Variants in GCC2 observed in about 807,000 individuals in gnomAD.
GCC2 encodes the protein GRIP and coiled-coil domain containing 2.
A neutral mutation model predicts 210.6 loss-of-function variants in GCC2; 120 were observed. That is an observed-to-expected ratio of 0.57 (90% CI 0.49 to 0.66). The LOEUF is 0.66. GCC2 is among the 30% of genes least tolerant of loss of function. The pLI is 0.00. For synonymous variants in GCC2, 703 were observed against 652.7 expected, an observed-to-expected ratio of 1.08 and a Z score of -1.17; for missense variants, 1,868 against 1,871.9, an observed-to-expected ratio of 1.00 and a Z score of 0.04.
chr2:108,489,322 C>A (rs1021168968), intron 17 of GCC2, among the ~76,000 whole-genome samples: 1 of 152,188 alleles, frequency 6.6e-6, no homozygotes, highest in African/African-American at 2.4e-5. Flanking sequence ...TCAAGACCAA[C>A]CTGACCAACA....
At chr2:108,487,570 A>G in intron 16 of GCC2, 129 bp from the exon 17 acceptor site, 1 of 879,462 alleles carries the variant, frequency 1.1e-6, no homozygotes, top group Non-Finnish European at 1.8e-6. Flanking sequence ...TAATCAAGAA[A>G]CCAAAAAGAA....
intron 4 of GCC2, among the ~76,000 whole-genome samples, chr2:108,467,235 G>T (rs1478949335): frequency 6.6e-6 from 1 of 152,082 alleles, no homozygotes; most frequent in Admixed American, 6.6e-5. Context: ...ACATCTTTTG[G>T]TAAAGTTTTT....
intron 9 of GCC2, 61 bp from the exon 10 acceptor site, chr2:108,481,636 T>C: frequency 7.7e-7 from 1 of 1,294,664 alleles, no homozygotes; most frequent in South Asian, 1.4e-5. Context: ...GGCTTGATGA[T>C]GAAGTCTGAC....
intron 18 of GCC2, among the ~76,000 whole-genome samples, chr2:108,492,140 G>GT (rs1682431847): frequency 6.6e-6 from 1 of 150,480 alleles, no homozygotes. Context: ...AAGAGTGTGG[G>GT]GTTTTTTTTT....
chr2:108,503,283 C>T (rs1397093822), intron 22 of GCC2, among the ~76,000 whole-genome samples: 5 of 152,094 alleles, frequency 3.3e-5, no homozygotes, highest in Non-Finnish European at 7.4e-5. Context: ...TCACAATAGA[C>T]TTCTCAACAG....
chr2:108,472,490 G>A lies in GCC2; in HGVS notation c.2788-337G>A, dbSNP rs139549648. ...GCACTTTTTAAGTAAGAGCTGTGGT[G>A]GTATTGCTAAAATTTTAGGGTTTTC... is the stretch of plus-strand genomic sequence containing the variant. On this transcript the variant is annotated intron_variant, in intron 6 of 22. Coordinates refer to ENST00000309863, the MANE Select transcript of GCC2 (RefSeq NM_181453.4). 5.9e-5 allele frequency among the ~76,000 whole-genome samples: 9 copies of A among 151,968 alleles called. No homozygotes were observed. In the East Asian group the frequency reaches 1.7e-3, roughly 29 times the overall value.
chr2:108,480,469 T>C (rs1471340903), intron 9 of GCC2, among the ~76,000 whole-genome samples: 1 of 152,182 alleles, frequency 6.6e-6, no homozygotes, highest in Admixed American at 6.5e-5. Context: ...TCTGCAGCAC[T>C]ATTCATGATA....
At chr2:108,481,612 A>G (rs1445028551) in intron 9 of GCC2, 85 bp from the exon 10 acceptor site, 3 of 980,670 alleles carry the variant, frequency 3.1e-6, no homozygotes, top group East Asian at 5.0e-5. Flanking sequence ...GAATGGACTC[A>G]TGAATCTTAA....
chr2:108,506,443 C>T (rs906790376), intron 22 of GCC2, among the ~76,000 whole-genome samples: 21 of 152,116 alleles, frequency 1.4e-4, no homozygotes, highest in Non-Finnish European at 2.5e-4. Flanking sequence ...AACAGGTTAG[C>T]GGTTGCCAAG....
At chr2:108,457,233 T>G (rs945423763) in intron 4 of GCC2, among the ~76,000 whole-genome samples, 1 of 152,202 alleles carries the variant, frequency 6.6e-6, no homozygotes, top group African/African-American at 2.4e-5. Flanking sequence ...TGGCACCGTT[T>G]GTTAAGAGGG....
rs2104444895 is a variant in GCC2 at position 108,469,093 on chromosome 2, A to G, written c.321+9A>G. On this transcript the variant is annotated intron_variant, in intron 5 of 22. Coordinates refer to ENST00000309863, the MANE Select transcript of GCC2 (RefSeq NM_181453.4). ...TGAAGCAAGAGGTTGAGGTAAGTCA[A>G]TATTTTAGTGTTCTTTTCTTTTTTA... 6.7e-7 allele frequency: 1 copy of G among 1,491,824 alleles called. No homozygotes were observed. The highest frequency in any genetic ancestry group is 9.4e-7 in the Non-Finnish European group (1 of 1,069,516). The allele number at this position is 1,491,824 out of a possible 1,614,324, so 92.4% of individuals were successfully genotyped here. A position where few individuals can be genotyped will look rare whatever the true frequency, so the allele number is the denominator to read the frequency against.
intron 21 of GCC2, among the ~76,000 whole-genome samples, chr2:108,498,956 A>G (rs2104510438): frequency 6.7e-6 from 1 of 149,964 alleles, no homozygotes; most frequent in East Asian, 2.0e-4. Context: ...GTACCAACCC[A>G]TGGCTCCAGT....
In GCC2 at chr2:108,461,580, A is replaced by C. The variant is rs200679335; in HGVS notation, c.217-7400A>C. 4.6e-5 allele frequency among the ~76,000 whole-genome samples: 7 copies of C among 152,206 alleles called. No individual in the cohort carries two copies. In the East Asian group the frequency reaches 9.7e-4, roughly 21 times the overall value. On this transcript the variant is annotated intron_variant, in intron 4 of 22. Transcript: ENST00000309863. ...GAGTGCAGTGGCGCAATCTTGGCTC[A>C]CTGCACCCTCCACCTCCCGGGTTCA...
At chr2:108,473,555 C>A (rs13390736) in intron 7 of GCC2, among the ~76,000 whole-genome samples, 1 of 152,046 alleles carries the variant, frequency 6.6e-6, no homozygotes, top group Non-Finnish European at 1.5e-5. Context: ...TTATTCCTCA[C>A]AGTAACATTA....
At chr2:108,449,729 G>A in intron 2 of GCC2, 40 bp downstream of exon 2, 1 of 1,533,512 alleles carries the variant, frequency 6.5e-7, no homozygotes, top group South Asian at 1.1e-5. Flanking sequence ...CTGAAGAGTG[G>A]AAGGGTGATG....
chr2:108,478,127 A>G lies in GCC2; in HGVS notation c.3060+2277A>G, dbSNP rs145980207. ...TAGATTATAGGGTCTCTTAAAATGT[A>G]AAGAAGCAAGTTCCTTGTGTAACTT... On this transcript the variant is annotated intron_variant, in intron 9 of 22. Transcript: ENST00000309863. Among the ~76,000 whole-genome samples the G allele has an allele frequency of 4.7e-3, 709 of 152,324 alleles. 6 individuals carry two copies. Among genetic ancestry groups the G allele is most frequent in the African/African-American group, 0.016 (672 of 41,568 alleles).
At chr2:108,450,992 G>A in intron 2 of GCC2, 36 bp from the exon 3 acceptor site, 5 of 1,346,132 alleles carry the variant, frequency 3.7e-6, no homozygotes, top group South Asian at 1.2e-5. Context: ...AGAAACATGA[G>A]TTATAACAAG....
rs1007581779 is a variant in GCC2 at position 108,476,057 on chromosome 2, T to C, written c.3060+207T>C. ...TTAAGCTTTAAATAGTGGCTTGCTT[T>C]TTTTTTTTTTTTTTTTTTTTTTTGA... On this transcript the variant is annotated intron_variant, in intron 9 of 22. Coordinates refer to ENST00000309863, the MANE Select transcript of GCC2 (RefSeq NM_181453.4). Among the ~76,000 whole-genome samples the C allele has an allele frequency of 3.5e-4, 31 of 88,714 alleles. 3 individuals carry two copies. Among genetic ancestry groups the C allele is most frequent in the South Asian group, 1.7e-3 (4 of 2,424 alleles). 58.2% of individuals were successfully genotyped at this position (88,714 alleles called of 152,430 possible).
At position 108,470,176 on chromosome 2, in the gene GCC2, C is replaced by G. The variant is rs186410906; in HGVS notation, c.847C>G (p.Gln283Glu). The change falls in exon 6 of 23, where the codon CAA becomes GAA. Residue 283 changes from glutamine to glutamate, a missense_variant. Gln to Glu is a conservative substitution (Grantham distance 29). Coordinates refer to ENST00000309863, the MANE Select transcript of GCC2 (RefSeq NM_181453.4). ...LNELKENLVKQCEASEKNIQK... is the reference protein window; with the variant it reads ...LNELKENLVKECEASEKNIQK... ...CGAGCTAAAAGAGAACTTAGTAAAA[C>G]AATGTGAGGCAAGTGAAAAGAACAT... The G allele has an allele frequency of 1.9e-6, 3 of 1,613,190 alleles. No individual in the cohort carries two copies. In the African/African-American group the frequency reaches 4.0e-5, roughly 22 times the overall value.
Sources: allele counts gnomAD v4.1 joint callset (sites outside exome capture counted in the v4.1 genomes callset), GRCh38; gene constraint gnomAD v4.1.1; transcripts MANE v1.5; gene names NCBI Gene and HGNC (gene_info 2026-07-23, HGNC 2026-07-21).